The following PALLD variants were observed in gnomAD, a reference collection of about 807,000 sequenced individuals.
PALLD encodes the protein palladin, cytoskeletal associated protein, also known as palladin.
In PALLD, 61 loss-of-function variants were observed where a neutral mutation model predicts 123.5. The observed-to-expected ratio is 0.49, with a 90% CI of 0.40 to 0.61. PALLD has a LOEUF of 0.61. PALLD is among the 20% of genes least tolerant of loss of function. PALLD has a pLI of 0.00. For synonymous variants in PALLD, 465 were observed against 496.4 expected, an observed-to-expected ratio of 0.94 and a Z score of 0.84; for missense variants, 1,273 against 1,377.0, an observed-to-expected ratio of 0.92 and a Z score of 1.20.
At chr4:168,593,440 A>AAAAAAAAAAAAAAAAAAAAAAG (rs1554047277) in intron 2 of PALLD, among the ~76,000 whole-genome samples, 4 of 140,870 alleles carry the variant, frequency 2.8e-5, no homozygotes, top group South Asian at 2.2e-4. Context: ...ACCAGGCAAA[A>AAAAAAAAAAAAAAAAAAAAAAG]AAAAAAGAAA....
chr4:168,809,724 C>T (rs1051469023), intron 10 of PALLD, among the ~76,000 whole-genome samples: 7 of 152,084 alleles, frequency 4.6e-5, no homozygotes, highest in African/African-American at 1.7e-4. Context: ...ATTATCCAGA[C>T]GTGGTAGCAG....
At chr4:168,639,427 G>A (rs1776673657) in intron 2 of PALLD, among the ~76,000 whole-genome samples, 1 of 152,118 alleles carries the variant, frequency 6.6e-6, no homozygotes, top group Non-Finnish European at 1.5e-5. Context: ...TTGGAAAGGA[G>A]TTTCGCCCTT....
intron 8 of PALLD, among the ~76,000 whole-genome samples, chr4:168,706,253 G>A (rs1405930983): frequency 1.3e-5 from 2 of 152,048 alleles, no homozygotes; most frequent in Non-Finnish European, 2.9e-5. Context: ...GAATTTTGCA[G>A]TATTTCTCCT....
chr4:168,671,155 TAA>T (rs1487887411), intron 3 of PALLD, among the ~76,000 whole-genome samples: 1 of 152,112 alleles, frequency 6.6e-6, no homozygotes, highest in Non-Finnish European at 1.5e-5. Flanking sequence ...ATATATACTA[TAA>T]AATGAGATAT....
chr4:168,721,164 A>C (rs1162212863), intron 10 of PALLD, among the ~76,000 whole-genome samples: 1 of 152,266 alleles, frequency 6.6e-6, no homozygotes, highest in Non-Finnish European at 1.5e-5. Context: ...GGTGTTTTAC[A>C]TGAAGGAATA....
intron 10 of PALLD, among the ~76,000 whole-genome samples, chr4:168,820,936 T>C (rs1274521237): frequency 6.6e-6 from 1 of 152,214 alleles, no homozygotes; most frequent in African/African-American, 2.4e-5. Context: ...GATACTATTA[T>C]TTATTAAGTG....
At chr4:168,793,714 C>A (rs1027917243) in intron 10 of PALLD, among the ~76,000 whole-genome samples, 1 of 152,128 alleles carries the variant, frequency 6.6e-6, no homozygotes, top group Non-Finnish European at 1.5e-5. Flanking sequence ...TAAAGATACG[C>A]ACAGGAAGAG....
intron 2 of PALLD, among the ~76,000 whole-genome samples, chr4:168,513,276 C>T (rs1227780781): frequency 6.6e-6 from 1 of 152,054 alleles, no homozygotes; most frequent in Non-Finnish European, 1.5e-5. Flanking sequence ...CAGGTCTGCC[C>T]GTTATTCCTA....
intron 8 of PALLD, among the ~76,000 whole-genome samples, chr4:168,694,535 A>T (rs1782957500): frequency 6.7e-6 from 1 of 148,760 alleles, no homozygotes; most frequent in African/African-American, 2.5e-5. Context: ...TTTTTTCTTT[A>T]CTCTTCTCTT....
chr4:168,785,866 T>TATATATATATATAG (rs1736670490), intron 10 of PALLD, among the ~76,000 whole-genome samples: 1 of 136,980 alleles, frequency 7.3e-6, no homozygotes, highest in Non-Finnish European at 1.6e-5. Flanking sequence ...TATATATATA[T>TATATATATATATAG]ATATATATAT....
chr4:168,562,079 G>A (rs1212012850), intron 2 of PALLD, among the ~76,000 whole-genome samples: 2 of 148,036 alleles, frequency 1.4e-5, no homozygotes, highest in Admixed American at 6.9e-5. Context: ...GGAAAGATTG[G>A]CTCAAAGGTC....
At chr4:168,759,179 C>CAAAAAAAAAAA (rs1175955888) in intron 10 of PALLD, among the ~76,000 whole-genome samples, 10 of 9,050 alleles carry the variant, frequency 1.1e-3, no homozygotes, top group African/African-American at 4.2e-3. Context: ...GACTCCATCT[C>CAAAAAAAAAAA]AAAAAAAAAA....
intron 10 of PALLD, among the ~76,000 whole-genome samples, chr4:168,861,226 T>G (rs1402045434): frequency 6.6e-6 from 1 of 151,960 alleles, no homozygotes; most frequent in Non-Finnish European, 1.5e-5. Context: ...GTGAATGCTT[T>G]TGGGAGTGTA....
intron 2 of PALLD, among the ~76,000 whole-genome samples, chr4:168,662,410 G>A (rs1198666747): frequency 6.6e-6 from 1 of 152,206 alleles, no homozygotes; most frequent in African/African-American, 2.4e-5. Context: ...TGGCAAATGT[G>A]TTTCATTTCA....
intron 2 of PALLD, among the ~76,000 whole-genome samples, chr4:168,523,962 A>G (rs1763815616): frequency 2.0e-5 from 3 of 152,228 alleles, no homozygotes; most frequent in African/African-American, 7.2e-5. Context: ...TAATAGATAT[A>G]ATAATATTAA....
intron 14 of PALLD, among the ~76,000 whole-genome samples, chr4:168,900,111 T>C (rs926332443): frequency 3.9e-5 from 6 of 151,998 alleles, no homozygotes; most frequent in African/African-American, 1.4e-4. Context: ...TCCCAGACTT[T>C]TAAACAACCA....
intron 2 of PALLD, chr4:168,647,990 C>A (rs2149898898): frequency 6.6e-6 from 1 of 152,146 alleles, no homozygotes; most frequent in South Asian, 2.1e-4. Flanking sequence ...AAGGCTGCAT[C>A]ATCTCTCCTT....
chr4:168,603,318 G>A (rs1186400595), intron 2 of PALLD, among the ~76,000 whole-genome samples: 1 of 152,068 alleles, frequency 6.6e-6, no homozygotes, highest in African/African-American at 2.4e-5. Context: ...AAAACATACA[G>A]CAGTTTTTTG....
chr4:168,826,634 A>T (rs1743455461), intron 10 of PALLD, among the ~76,000 whole-genome samples: 1 of 152,208 alleles, frequency 6.6e-6, no homozygotes, highest in African/African-American at 2.4e-5. Flanking sequence ...TTTTTTAATT[A>T]TCTGAAACTA....
Sources: gnomAD v4.1 joint callset for allele counts (sites outside exome capture counted in the v4.1 genomes callset) on GRCh38, gnomAD v4.1.1 for gene constraint, MANE v1.5 for transcripts, NCBI Gene and HGNC (gene_info 2026-07-23, HGNC 2026-07-21) for gene names.